The following ACAD11 variants were observed in gnomAD, a reference collection of about 807,000 sequenced individuals.
ACAD11 encodes acyl-CoA dehydrogenase family member 11.
Under a neutral mutation model 102.2 loss-of-function variants are expected in ACAD11, and 83 were observed. The observed-to-expected ratio is 0.81, with a 90% confidence interval of 0.68 to 0.97. The LOEUF (loss-of-function observed/expected upper bound fraction) is 0.97. ACAD11 is among the 50% of genes least tolerant of loss of function. ACAD11 has a pLI of 0.00. For synonymous variants in ACAD11, 324 were observed against 319.8 expected (o/e 1.01, Z -0.14); for missense variants, 901 against 951.7 (o/e 0.95, Z 0.70).
intron 17 of ACAD11, 27 bp downstream of exon 17, chr3:132,575,745 T>C: frequency 6.2e-7 from 1 of 1,612,640 alleles, no homozygotes; most frequent in East Asian, 2.2e-5. Context: ...CGGGCTACAA[T>C]AAATTCAAAT....
chr3:132,593,720 C>A (rs1938179102), intron 13 of ACAD11, among the ~76,000 whole-genome samples: 1 of 152,088 alleles, frequency 6.6e-6, no homozygotes, highest in Non-Finnish European at 1.5e-5. Context: ...GGCTGGGCAA[C>A]ATAGCAAAAT....
intron 11 of ACAD11, among the ~76,000 whole-genome samples, chr3:132,607,456 G>A (rs767686855): frequency 6.6e-6 from 1 of 152,242 alleles, no homozygotes; most frequent in South Asian, 2.1e-4. Context: ...GCAAAACACA[G>A]CACGAGAACT....
At chr3:132,582,366 G>T (rs187721605) in intron 13 of ACAD11, among the ~76,000 whole-genome samples, 26 of 151,700 alleles carry the variant, frequency 1.7e-4, no homozygotes, top group African/African-American at 6.0e-4. Context: ...TTTCTGTAGG[G>T]CATGATGTTT....
chr3:132,657,583 C>A (rs1937875067), intron 1 of ACAD11, among the ~76,000 whole-genome samples: 1 of 152,100 alleles, frequency 6.6e-6, no homozygotes. Context: ...TTTTAAAATT[C>A]TTTTTAAGGT....
chr3:132,631,961 T>C (rs1325061347), intron 5 of ACAD11, among the ~76,000 whole-genome samples: 1 of 152,244 alleles, frequency 6.6e-6, no homozygotes, highest in Non-Finnish European at 1.5e-5. Flanking sequence ...CTGTTAGTTT[T>C]ATAAATATAA....
chr3:132,579,604 G>T, intron 13 of ACAD11, 46 bp from the exon 14 acceptor site: 1 of 1,513,914 alleles, frequency 6.6e-7, no homozygotes, highest in Non-Finnish European at 9.2e-7. Context: ...GAAATTTCTA[G>T]TTTGACATTT....
chr3:132,595,945 T>G (rs1230090878), intron 13 of ACAD11, among the ~76,000 whole-genome samples: 1 of 152,114 alleles, frequency 6.6e-6, no homozygotes, highest in Admixed American at 6.5e-5. Context: ...CAAAGGAATA[T>G]AAATTATTCT....
chr3:132,561,260 T>C (rs760477508), intron 17 of ACAD11, 43 bp from the exon 18 acceptor site: 1 of 1,401,082 alleles, frequency 7.1e-7, no homozygotes, highest in South Asian at 1.2e-5. Context: ...GGAGCTAAGC[T>C]GGTATCTGAT....
chr3:132,574,384 T>C (rs1937463975), intron 17 of ACAD11, among the ~76,000 whole-genome samples: 1 of 152,212 alleles, frequency 6.6e-6, no homozygotes, highest in East Asian at 1.9e-4. Context: ...CTTTGCTGTA[T>C]ACTAAAAACT....
At chr3:132,567,032 G>A (rs1411802986) in intron 17 of ACAD11, among the ~76,000 whole-genome samples, 2 of 152,160 alleles carry the variant, frequency 1.3e-5, no homozygotes, top group East Asian at 1.9e-4. Flanking sequence ...AGGCTGGAGT[G>A]CAGTGGCGTG....
At chr3:132,630,689 A>T in intron 6 of ACAD11, 131 bp from the exon 7 acceptor site, 1 of 734,852 alleles carries the variant, frequency 1.4e-6, no homozygotes, top group Non-Finnish European at 2.1e-6. Flanking sequence ...AACATGTTCT[A>T]AATCTTGATT....
intron 11 of ACAD11, among the ~76,000 whole-genome samples, chr3:132,611,430 A>G (rs1051586561): frequency 6.6e-6 from 1 of 152,162 alleles, no homozygotes; most frequent in Admixed American, 6.5e-5. Flanking sequence ...GAGGAAGTCA[A>G]ATTGTTCCTG....
Position 132,561,096 on chromosome 3 carries a change from C to T in ACAD11, c.2118+5G>A, listed in dbSNP as rs778515084. 6 of 1,609,678 alleles carry T rather than the reference C, an allele frequency of 3.7e-6. No individual in the cohort carries two copies. In the South Asian group the frequency reaches 4.4e-5, roughly 12 times the overall value. ...TGGTGGTCTGAGGGGAGAAGGTAGC[C>T]TCACCTCTTTCTTAGCGCCAGCACT... On this transcript the variant is annotated splice_donor_5th_base_variant and intron_variant, in intron 18 of 19. Coordinates refer to ENST00000264990, the MANE Select transcript of ACAD11 (RefSeq NM_032169.5).
intron 1 of ACAD11, among the ~76,000 whole-genome samples, chr3:132,645,413 T>C (rs1453247911): frequency 6.6e-6 from 1 of 152,180 alleles, no homozygotes; most frequent in African/African-American, 2.4e-5. Context: ...AGTGAGCATC[T>C]GGCCCAGGGA....
intron 17 of ACAD11, among the ~76,000 whole-genome samples, chr3:132,571,898 T>C (rs1937392349): frequency 6.6e-6 from 1 of 152,134 alleles, no homozygotes; most frequent in Admixed American, 6.6e-5. Flanking sequence ...ATAAACTAGG[T>C]ATTCGAGGAA....
intron 1 of ACAD11, among the ~76,000 whole-genome samples, chr3:132,656,683 G>A (rs760332635): frequency 6.6e-6 from 1 of 151,850 alleles, no homozygotes; most frequent in African/African-American, 2.4e-5. Context: ...TAGTAGAGAC[G>A]GGGTTTCACC....
chr3:132,643,810 T>C (rs1018970442), intron 2 of ACAD11, among the ~76,000 whole-genome samples: 1 of 152,018 alleles, frequency 6.6e-6, no homozygotes, highest in Non-Finnish European at 1.5e-5. Flanking sequence ...CTTTTTTCAA[T>C]GCAGAGTTGA....
chr3:132,571,380 T>C (rs1171530221), intron 17 of ACAD11, among the ~76,000 whole-genome samples: 3 of 151,378 alleles, frequency 2.0e-5, no homozygotes, highest in Non-Finnish European at 4.4e-5. Context: ...TTTAAGTTCC[T>C]TATAGATGTT....
intron 11 of ACAD11, among the ~76,000 whole-genome samples, chr3:132,614,472 T>C (rs537554113): frequency 3.2e-4 from 49 of 152,070 alleles, no homozygotes; most frequent in African/African-American, 1.2e-3. Context: ...GGTACCGAAA[T>C]AGATATATAG....
Sources: allele counts gnomAD v4.1 joint callset (sites outside exome capture counted in the v4.1 genomes callset), GRCh38; gene constraint gnomAD v4.1.1; transcripts MANE v1.5; gene names NCBI Gene and HGNC (gene_info 2026-07-23, HGNC 2026-07-21).